DPP10: variants seen among roughly 807,000 people sequenced by gnomAD.
The protein encoded by DPP10 is dipeptidyl peptidase like 10, also known as inactive dipeptidyl peptidase 10.
A neutral mutation model predicts 120.9 loss-of-function variants in DPP10; 33 were observed. That is an observed-to-expected ratio of 0.27 (90% CI 0.21 to 0.37). DPP10 has a LOEUF of 0.37. DPP10 is among the 10% of genes least tolerant of loss of function. DPP10 has a pLI of 1.00. For missense variants in DPP10, 816 were observed against 942.8 expected (o/e 0.87, Z 1.76); for synonymous variants, 337 against 326.1 (o/e 1.03, Z -0.36).
intron 1 of DPP10, among the ~76,000 whole-genome samples, chr2:114,663,446 A>G (rs1404449356): frequency 6.7e-6 from 1 of 150,358 alleles, no homozygotes; most frequent in African/African-American, 2.4e-5. Flanking sequence ...TCTTGGATAT[A>G]TTTAGACTTT....
At chr2:115,715,584 A>G (rs943523384) in intron 7 of DPP10, among the ~76,000 whole-genome samples, 6 of 152,128 alleles carry the variant, frequency 3.9e-5, no homozygotes, top group Non-Finnish European at 7.4e-5. Context: ...CTCATGTTAA[A>G]TTGAGAATTG....
intron 9 of DPP10, among the ~76,000 whole-genome samples, chr2:115,741,890 C>G (rs1469229950): frequency 6.6e-6 from 1 of 152,204 alleles, no homozygotes; most frequent in East Asian, 1.9e-4. Flanking sequence ...CCAATGGGAG[C>G]ATTTGAGGAA....
intron 5 of DPP10, among the ~76,000 whole-genome samples, chr2:115,583,870 G>A (rs1418027198): frequency 1.3e-5 from 2 of 152,222 alleles, no homozygotes; most frequent in East Asian, 3.8e-4. Flanking sequence ...AGCAAAGGAT[G>A]AGGGTAGTGA....
intron 1 of DPP10, among the ~76,000 whole-genome samples, chr2:115,287,175 G>A (rs952091932): frequency 6.6e-6 from 1 of 152,100 alleles, no homozygotes; most frequent in Non-Finnish European, 1.5e-5. Context: ...AGTTAGGGAA[G>A]CAGTGGAGGC....
chr2:115,553,768 C>T (rs1395386091), intron 5 of DPP10, among the ~76,000 whole-genome samples: 1 of 151,274 alleles, frequency 6.6e-6, no homozygotes, highest in East Asian at 1.9e-4. Context: ...CATGGCTGTA[C>T]TGGGAAGATG....
intron 1 of DPP10, chr2:115,234,361 A>G (rs1237624676): frequency 1.2e-5 from 2 of 167,102 alleles, no homozygotes; most frequent in Non-Finnish European, 2.6e-5. Context: ...TGATTAGATA[A>G]CCTTAACCTT....
At chr2:115,616,704 T>C (rs927638419) in intron 5 of DPP10, among the ~76,000 whole-genome samples, 1 of 152,120 alleles carries the variant, frequency 6.6e-6, no homozygotes, top group Non-Finnish European at 1.5e-5. Context: ...AGAACAGCAA[T>C]ACTCTTCTGG....
chr2:115,433,315 G>A (rs1474611340), intron 3 of DPP10, among the ~76,000 whole-genome samples: 1 of 151,998 alleles, frequency 6.6e-6, no homozygotes, highest in Non-Finnish European at 1.5e-5. Context: ...TATATTTACA[G>A]TCAATTAAAA....
At chr2:115,359,542 G>T (rs1026520441) in intron 3 of DPP10, among the ~76,000 whole-genome samples, 3 of 152,004 alleles carry the variant, frequency 2.0e-5, no homozygotes, top group African/African-American at 7.2e-5. Flanking sequence ...TTCTTTAGCT[G>T]CCTTTAAGAT....
Position 115,465,035 on chromosome 2 carries a change from A to C in DPP10, c.272-34475A>C, listed in dbSNP as rs147924287. On this transcript the variant is annotated intron_variant, in intron 3 of 25. Coordinates refer to ENST00000410059, the MANE Select transcript of DPP10 (RefSeq NM_020868.6). The stretch of plus-strand genomic sequence containing the variant: ...AACACAGTCTGCCTGGGAACAGTAC[A>C]CTTTTTGGTAACATCTTAGAGCAGA... Among the ~76,000 whole-genome samples, 91 of 152,332 alleles carry C rather than the reference A, an allele frequency of 6.0e-4. 3 individuals are homozygous for C. The East Asian group carries it at 0.017, about 28-fold the overall frequency.
chr2:114,603,804 C>A lies in DPP10; in HGVS notation c.60+160966C>A, dbSNP rs117985032. On this transcript the variant is annotated intron_variant, in intron 1 of 25. Transcript: ENST00000410059. Reference sequence around the variant, plus strand: ...GCACCATGGAAGGCAGGTTGGTGGGCAAATGCCCTCTAAGTGTAAAAAAGA... The same window carrying A: ...GCACCATGGAAGGCAGGTTGGTGGGAAAATGCCCTCTAAGTGTAAAAAAGA... Among the ~76,000 whole-genome samples, 1,056 of 152,078 alleles carry A rather than the reference C, an allele frequency of 6.9e-3. 20 individuals carry two copies. The highest frequency in any genetic ancestry group is 0.059 in the East Asian group (302 of 5,144).
rs139782663 is a variant in DPP10, at chr2:114,979,661, G to C, written c.61-329578G>C. On this transcript the variant is annotated intron_variant, in intron 1 of 25. Transcript: ENST00000410059. ...TTTAATCTTGAAAGCAAATCACCAAGTGAGATTTACTCAGGGTTCATTTTA... is the reference window on the plus strand; with the variant it reads ...TTTAATCTTGAAAGCAAATCACCAACTGAGATTTACTCAGGGTTCATTTTA... Among the ~76,000 whole-genome samples, 439 of 152,134 alleles carry C rather than the reference G, an allele frequency of 2.9e-3. 17 individuals carry two copies. The East Asian group carries it at 0.073, about 25-fold the overall frequency.
At chr2:114,849,660 G>A (rs74870452) in intron 1 of DPP10, among the ~76,000 whole-genome samples, 13,827 of 152,122 alleles carry the variant, frequency 0.091, 720 homozygotes, top group Non-Finnish European at 0.11. Flanking sequence ...CCAAGGGACA[G>A]GAAGATTTAT....
At chr2:114,896,153 G>A (rs1409973706) in intron 1 of DPP10, among the ~76,000 whole-genome samples, 1 of 152,180 alleles carries the variant, frequency 6.6e-6, no homozygotes, top group Non-Finnish European at 1.5e-5. Flanking sequence ...AGTATAGTTT[G>A]AAGTCAGGTA....
intron 5 of DPP10, among the ~76,000 whole-genome samples, chr2:115,558,950 A>G (rs938308471): frequency 1.3e-5 from 2 of 152,148 alleles, no homozygotes; most frequent in African/African-American, 4.8e-5. Flanking sequence ...TTCTTATGCA[A>G]ATGAATTGCC....
At chr2:115,100,307 T>C (rs1275436793) in intron 1 of DPP10, among the ~76,000 whole-genome samples, 1 of 152,042 alleles carries the variant, frequency 6.6e-6, no homozygotes, top group Non-Finnish European at 1.5e-5. Flanking sequence ...AAATTGGCCA[T>C]GCATGGTGGC....
At chr2:114,669,581 A>C (rs797022570) in intron 1 of DPP10, among the ~76,000 whole-genome samples, 1 of 152,142 alleles carries the variant, frequency 6.6e-6, no homozygotes, top group Non-Finnish European at 1.5e-5. Context: ...AGCAATTTTC[A>C]TGTAAATAAT....
intron 5 of DPP10, among the ~76,000 whole-genome samples, chr2:115,567,649 A>G (rs771023889): frequency 6.6e-6 from 1 of 152,188 alleles, no homozygotes; most frequent in Non-Finnish European, 1.5e-5. Flanking sequence ...GATTACAAAC[A>G]ATGCCTTCAT....
intron 1 of DPP10, among the ~76,000 whole-genome samples, chr2:114,666,455 A>G (rs1697928592): frequency 6.6e-6 from 1 of 152,218 alleles, no homozygotes; most frequent in African/African-American, 2.4e-5. Flanking sequence ...TTCATATGAA[A>G]ACATGAAGAC....
Sources: gnomAD v4.1 joint callset for allele counts (sites outside exome capture counted in the v4.1 genomes callset) on GRCh38, gnomAD v4.1.1 for gene constraint, MANE v1.5 for transcripts, NCBI Gene and HGNC (gene_info 2026-07-23, HGNC 2026-07-21) for gene names.